CNTN4: variants seen among roughly 807,000 people sequenced by gnomAD.
CNTN4 encodes the protein contactin 4.
Under a neutral mutation model 122.5 loss-of-function variants are expected in CNTN4, and 77 were observed. The observed-to-expected ratio is 0.63, with a 90% CI of 0.52 to 0.76. The LOEUF (loss-of-function observed/expected upper bound fraction) is 0.76, where lower values mean the gene tolerates loss of function less well. CNTN4 is among the 30% of genes least tolerant of loss of function. The probability of loss-of-function intolerance (pLI) is 0.00; values close to 1 mark genes in which losing one functional copy is unlikely to be tolerated. For synonymous variants in CNTN4, 512 were observed against 447.0 expected (o/e 1.15, Z -1.83); for missense variants, 1,256 against 1,259.1 (o/e 1.00, Z 0.04).
chr3:2,108,834 C>G (rs981758127), intron 2 of CNTN4, among the ~76,000 whole-genome samples: 1 of 152,202 alleles, frequency 6.6e-6, no homozygotes, highest in Non-Finnish European at 1.5e-5. Context: ...AAAGTACAAG[C>G]AGGACAGTGC....
At chr3:2,242,490 T>C (rs965097292) in intron 2 of CNTN4, among the ~76,000 whole-genome samples, 1 of 152,146 alleles carries the variant, frequency 6.6e-6, no homozygotes. Context: ...TGCAGGTTTG[T>C]TACATAGGTA....
At chr3:3,004,994 G>A (rs1160173689) in intron 14 of CNTN4, among the ~76,000 whole-genome samples, 1 of 152,200 alleles carries the variant, frequency 6.6e-6, no homozygotes, top group Non-Finnish European at 1.5e-5. Flanking sequence ...GATGATCTCT[G>A]AATCACCTTT....
intron 6 of CNTN4, among the ~76,000 whole-genome samples, chr3:2,764,674 A>G (rs2090759002): frequency 6.6e-6 from 1 of 152,222 alleles, no homozygotes; most frequent in African/African-American, 2.4e-5. Flanking sequence ...TGAAGTCTAC[A>G]TGGTATGCAA....
At chr3:2,197,521 T>C (rs1254872402) in intron 2 of CNTN4, among the ~76,000 whole-genome samples, 1 of 152,182 alleles carries the variant, frequency 6.6e-6, no homozygotes, top group Non-Finnish European at 1.5e-5. Flanking sequence ...AGGAGTTGCT[T>C]TTTTCATTTT....
At chr3:2,614,586 G>A (rs1420094632) in intron 4 of CNTN4, among the ~76,000 whole-genome samples, 1 of 152,130 alleles carries the variant, frequency 6.6e-6, no homozygotes, top group Non-Finnish European at 1.5e-5. Flanking sequence ...TAGGATGGAA[G>A]AAGTGAGGAA....
intron 6 of CNTN4, among the ~76,000 whole-genome samples, chr3:2,816,214 C>T (rs533647916): frequency 2.5e-4 from 37 of 147,520 alleles, no homozygotes; most frequent in Middle Eastern, 6.8e-3. Context: ...ATTAGCCGGG[C>T]GTGGTGGCGG....
chr3:2,756,830 C>T (rs1185142887), intron 6 of CNTN4, among the ~76,000 whole-genome samples: 1 of 152,154 alleles, frequency 6.6e-6, no homozygotes, highest in Non-Finnish European at 1.5e-5. Context: ...CTAGAGCCTT[C>T]GAAGGTGCCC....
intron 2 of CNTN4, among the ~76,000 whole-genome samples, chr3:2,206,311 G>T (rs1315168849): frequency 6.6e-6 from 1 of 152,008 alleles, no homozygotes; most frequent in South Asian, 2.1e-4. Flanking sequence ...TATCTACAAA[G>T]GCTTCTGTAT....
At chr3:2,980,048 G>C (rs114098089) in intron 13 of CNTN4, among the ~76,000 whole-genome samples, 9 of 152,176 alleles carry the variant, frequency 5.9e-5, no homozygotes, top group African/African-American at 1.9e-4. Flanking sequence ...TCCCCAGACT[G>C]GTTTTGATTT....
intron 2 of CNTN4, among the ~76,000 whole-genome samples, chr3:2,175,271 A>T (rs565637209): frequency 6.7e-6 from 1 of 149,886 alleles, no homozygotes; most frequent in Non-Finnish European, 1.5e-5. Flanking sequence ...GTGACCTTGG[A>T]TTTTTTTTTT....
chr3:3,017,559 C>T (rs1291780437), intron 14 of CNTN4, among the ~76,000 whole-genome samples: 5 of 152,200 alleles, frequency 3.3e-5, no homozygotes, highest in Non-Finnish European at 7.3e-5. Flanking sequence ...AAATTCTACC[C>T]AGATTTGAGA....
intron 4 of CNTN4, among the ~76,000 whole-genome samples, chr3:2,703,467 A>G (rs1224365815): frequency 6.6e-6 from 1 of 152,152 alleles, no homozygotes; most frequent in Non-Finnish European, 1.5e-5. Context: ...ATTCTTTTTT[A>G]ACTTAAAATC....
chr3:2,410,463 A>G (rs1024272468), intron 3 of CNTN4, among the ~76,000 whole-genome samples: 9 of 152,248 alleles, frequency 5.9e-5, no homozygotes, highest in Admixed American at 1.3e-4. Context: ...AGAAAATGAT[A>G]TAAAATTAAT....
chr3:2,550,115 GTTTA>G (rs1374510854), intron 3 of CNTN4, among the ~76,000 whole-genome samples: 4 of 152,042 alleles, frequency 2.6e-5, no homozygotes, highest in South Asian at 4.1e-4. Flanking sequence ...CTGGCTAGTA[GTTTA>G]TCTATTTTGT....
At chr3:2,101,865 G>C (rs76488023) in intron 2 of CNTN4, among the ~76,000 whole-genome samples, 11,841 of 152,180 alleles carry the variant, frequency 0.078, 746 homozygotes, top group African/African-American at 0.17. Context: ...GGGGTGTGTA[G>C]CACACTTTAA....
At chr3:2,407,419 G>C (rs1204293569) in intron 3 of CNTN4, among the ~76,000 whole-genome samples, 2 of 151,516 alleles carry the variant, frequency 1.3e-5, no homozygotes, top group African/African-American at 4.9e-5. Flanking sequence ...ATCAGTTTAT[G>C]AACCACTTTG....
At chr3:2,811,885 C>T (rs2092621644) in intron 6 of CNTN4, among the ~76,000 whole-genome samples, 1 of 152,204 alleles carries the variant, frequency 6.6e-6, no homozygotes, top group East Asian at 1.9e-4. Context: ...AGGCTGGTCT[C>T]GAACTCCTGA....
intron 4 of CNTN4, among the ~76,000 whole-genome samples, chr3:2,654,829 G>A (rs1260766509): frequency 6.6e-6 from 1 of 152,074 alleles, no homozygotes; most frequent in Non-Finnish European, 1.5e-5. Context: ...GAAGGTCTGG[G>A]TCATAGCAGC....
At chr3:2,818,370 G>A (rs1368263218) in intron 6 of CNTN4, among the ~76,000 whole-genome samples, 1 of 152,118 alleles carries the variant, frequency 6.6e-6, no homozygotes, top group Non-Finnish European at 1.5e-5. Context: ...CTTCCCAATT[G>A]TTGTTAGGAG....
Sources: gnomAD v4.1 joint callset for allele counts (sites outside exome capture counted in the v4.1 genomes callset) on GRCh38, gnomAD v4.1.1 for gene constraint, MANE v1.5 for transcripts, NCBI Gene and HGNC (gene_info 2026-07-23, HGNC 2026-07-21) for gene names.